Variants in STXBP5L observed in about 807,000 individuals in gnomAD.
STXBP5L encodes syntaxin binding protein 5L, also known as syntaxin-binding protein 5-like.
STXBP5L carries 65 observed loss-of-function variants against 144.5 expected under a neutral mutation model. The ratio of observed to expected loss-of-function variants is 0.45; its 90% confidence interval spans 0.37 to 0.55. STXBP5L has a LOEUF of 0.55. Ranked by LOEUF, STXBP5L falls within the 20% of genes least tolerant of loss-of-function variation. The probability of loss-of-function intolerance (pLI) is 0.00; values close to 1 mark genes in which losing one functional copy is unlikely to be tolerated. For missense variants in STXBP5L, 1,298 were observed against 1,405.5 expected (o/e 0.92, Z 1.22); for synonymous variants, 505 against 469.6 (o/e 1.08, Z -0.97).
intron 22 of STXBP5L, among the ~76,000 whole-genome samples, chr3:121,402,502 T>C (rs1247603930): frequency 2.0e-5 from 3 of 152,190 alleles, no homozygotes; most frequent in Admixed American, 6.5e-5. Context: ...AGTCAAGCTC[T>C]ATAATGCTTT....
At chr3:120,977,953 C>T (rs1559941459) in intron 3 of STXBP5L, among the ~76,000 whole-genome samples, 1 of 152,198 alleles carries the variant, frequency 6.6e-6, no homozygotes, top group Non-Finnish European at 1.5e-5. Context: ...GGTAACCCGA[C>T]CTTTGTCTCT....
chr3:120,985,296 T>A (rs1416264123), intron 3 of STXBP5L, among the ~76,000 whole-genome samples: 1 of 152,126 alleles, frequency 6.6e-6, no homozygotes, highest in African/African-American at 2.4e-5. Flanking sequence ...GGCTTTTCTT[T>A]GTCAGGAGAT....
chr3:121,098,823 G>T (rs933858969), intron 5 of STXBP5L, among the ~76,000 whole-genome samples: 4 of 152,108 alleles, frequency 2.6e-5, no homozygotes, highest in African/African-American at 9.7e-5. Flanking sequence ...TGTCTGTAGG[G>T]AGCATCCACT....
intron 3 of STXBP5L, among the ~76,000 whole-genome samples, chr3:120,997,951 T>A (rs1390213872): frequency 6.6e-6 from 1 of 152,160 alleles, no homozygotes; most frequent in Non-Finnish European, 1.5e-5. Flanking sequence ...TAATTTTGAT[T>A]CATCACATAA....
At chr3:121,387,047 C>T (rs797008020) in intron 22 of STXBP5L, among the ~76,000 whole-genome samples, 23 of 152,262 alleles carry the variant, frequency 1.5e-4, no homozygotes, top group African/African-American at 2.4e-4. Context: ...CCTATTTTTC[C>T]GCATCCTCTC....
chr3:121,042,832 G>A (rs1947252603), intron 4 of STXBP5L, among the ~76,000 whole-genome samples: 1 of 151,528 alleles, frequency 6.6e-6, no homozygotes, highest in Admixed American at 6.6e-5. Context: ...CTTGCTATGG[G>A]GTACTGAAAT....
chr3:120,918,017 C>T (rs1440659957), intron 2 of STXBP5L, among the ~76,000 whole-genome samples: 1 of 152,174 alleles, frequency 6.6e-6, no homozygotes, highest in East Asian at 1.9e-4. Flanking sequence ...TTTCTGGAGG[C>T]TGTAGAGGAG....
intron 3 of STXBP5L, among the ~76,000 whole-genome samples, chr3:120,960,265 G>C (rs1469622472): frequency 6.6e-6 from 1 of 152,174 alleles, no homozygotes; most frequent in East Asian, 1.9e-4. Context: ...AACAACAGGT[G>C]CTGGAGAGGA....
intron 2 of STXBP5L, among the ~76,000 whole-genome samples, chr3:120,950,547 T>A (rs1316196582): frequency 2.0e-5 from 3 of 152,012 alleles, no homozygotes; most frequent in Admixed American, 1.3e-4. Context: ...CAATTTTTTT[T>A]ATTATACTTT....
At chr3:121,290,426 C>T (rs141621785) in intron 19 of STXBP5L, among the ~76,000 whole-genome samples, 2 of 151,610 alleles carry the variant, frequency 1.3e-5, no homozygotes, top group African/African-American at 2.4e-5. Context: ...TTGCCAACAA[C>T]AAAAAAAGTC....
At chr3:120,962,953 A>G (rs2107747907) in intron 3 of STXBP5L, among the ~76,000 whole-genome samples, 1 of 152,272 alleles carries the variant, frequency 6.6e-6, no homozygotes, top group Middle Eastern at 3.4e-3. Context: ...TATTTCATTG[A>G]GCAGTGGTTT....
At chr3:121,279,999 T>C in intron 19 of STXBP5L, 43 bp downstream of exon 19, 2 of 1,586,020 alleles carry the variant, frequency 1.3e-6, no homozygotes, top group African/African-American at 2.7e-5. Flanking sequence ...GATTTGGTCA[T>C]CTGTGTTCTT....
At chr3:121,043,634 G>A (rs936566936) in intron 4 of STXBP5L, among the ~76,000 whole-genome samples, 5 of 152,074 alleles carry the variant, frequency 3.3e-5, no homozygotes, top group Non-Finnish European at 5.9e-5. Context: ...GCTTGAACTT[G>A]GGAGGCAGAG....
intron 9 of STXBP5L, among the ~76,000 whole-genome samples, chr3:121,159,406 A>T (rs1163084231): frequency 1.3e-5 from 2 of 151,846 alleles, no homozygotes; most frequent in Non-Finnish European, 2.9e-5. Context: ...GGAGGCCTCA[A>T]GTGATCCTCC....
intron 3 of STXBP5L, among the ~76,000 whole-genome samples, chr3:120,965,582 G>T (rs530584526): frequency 7.4e-4 from 112 of 152,202 alleles, no homozygotes; most frequent in Non-Finnish European, 1.1e-3. Context: ...ATTCTTTTCT[G>T]TAAGAATGTT....
chr3:121,140,723 C>A (rs1003958106), intron 7 of STXBP5L, among the ~76,000 whole-genome samples: 2 of 152,006 alleles, frequency 1.3e-5, no homozygotes, highest in African/African-American at 2.4e-5. Flanking sequence ...AGTTACTTAC[C>A]GGCAGCTGAG....
chr3:121,354,789 A>T (rs901748255), intron 20 of STXBP5L, among the ~76,000 whole-genome samples: 3 of 152,152 alleles, frequency 2.0e-5, no homozygotes, highest in Admixed American at 2.0e-4. Flanking sequence ...CCTAGCATCT[A>T]TGATCTTTAC....
chr3:121,389,916 G>A (rs1324771628), intron 22 of STXBP5L, among the ~76,000 whole-genome samples: 1 of 152,194 alleles, frequency 6.6e-6, no homozygotes, highest in East Asian at 1.9e-4. Context: ...TTGTTGCAGA[G>A]CTGAGTTCAA....
intron 3 of STXBP5L, among the ~76,000 whole-genome samples, chr3:120,979,173 G>T (rs1220584603): frequency 2.0e-5 from 3 of 152,344 alleles, no homozygotes; most frequent in Middle Eastern, 3.4e-3. Context: ...AGGCAGGCAG[G>T]CCTCCTTGAG....
Sources: allele counts gnomAD v4.1 joint callset (sites outside exome capture counted in the v4.1 genomes callset), GRCh38; gene constraint gnomAD v4.1.1; transcripts MANE v1.5; gene names NCBI Gene and HGNC (gene_info 2026-07-23, HGNC 2026-07-21).